The following PTPRN2 variants were observed in gnomAD, a reference collection of about 807,000 sequenced individuals.
PTPRN2 encodes the protein protein tyrosine phosphatase receptor type N2.
A neutral mutation model predicts 118.8 loss-of-function variants in PTPRN2; 74 were observed. That is an observed-to-expected ratio of 0.62 (90% confidence interval 0.52 to 0.76). PTPRN2 has a LOEUF of 0.76. Among genes scored for constraint, PTPRN2 ranks in the 30% least tolerant of loss-of-function variants. The pLI, the probability that PTPRN2 is intolerant of heterozygous loss-of-function variation, is 0.00. For synonymous variants in PTPRN2, 641 were observed against 608.0 expected, an observed-to-expected ratio of 1.05 and a Z score of -0.80; for missense variants, 1,481 against 1,394.4, an observed-to-expected ratio of 1.06 and a Z score of -0.99.
intron 2 of PTPRN2, among the ~76,000 whole-genome samples, chr7:158,406,614 G>C (rs115360434): frequency 3.3e-5 from 5 of 152,172 alleles, no homozygotes; most frequent in African/African-American, 7.2e-5. Flanking sequence ...AGTCTCTCCC[G>C]CGGACCTGAG....
chr7:158,071,864 G>A (rs1461086939), intron 11 of PTPRN2, among the ~76,000 whole-genome samples: 1 of 7,100 alleles, frequency 1.4e-4, no homozygotes, highest in South Asian at 0.019. Flanking sequence ...GGAGGTGCTC[G>A]TCATATGGAG....
At chr7:158,151,537 G>A (rs57269839) in intron 6 of PTPRN2, among the ~76,000 whole-genome samples, 3,631 of 25,256 alleles carry the variant, frequency 0.14, 1,130 homozygotes, top group Middle Eastern at 0.5. Context: ...TACTCCAGGC[G>A]ATCTGCAGGC....
intron 3 of PTPRN2, among the ~76,000 whole-genome samples, chr7:158,256,515 G>A (rs917141698): frequency 1.1e-4 from 16 of 152,112 alleles, no homozygotes; most frequent in South Asian, 2.1e-4. Context: ...CTAAGGCCCC[G>A]GAAGACCTAC....
intron 1 of PTPRN2, among the ~76,000 whole-genome samples, chr7:158,519,105 G>C (rs971275472): frequency 2.6e-5 from 4 of 152,214 alleles, no homozygotes; most frequent in Non-Finnish European, 4.4e-5. Context: ...CTGCAGCAGA[G>C]AACAGCCGTG....
intron 12 of PTPRN2, among the ~76,000 whole-genome samples, chr7:157,744,937 G>T (rs2150968774): frequency 6.6e-6 from 1 of 152,272 alleles, no homozygotes; most frequent in Admixed American, 6.5e-5. Context: ...GGGCCCTGAG[G>T]CGTGTCACCT....
At chr7:158,520,372 G>T (rs1402502599) in intron 1 of PTPRN2, among the ~76,000 whole-genome samples, 1 of 152,166 alleles carries the variant, frequency 6.6e-6, no homozygotes, top group Non-Finnish European at 1.5e-5. Context: ...TATTTTTCCT[G>T]AAAATTATTA....
chr7:157,878,699 A>C lies in PTPRN2; in HGVS notation c.1788+19974T>G, dbSNP rs183173214. On this transcript the variant is annotated intron_variant, in intron 12 of 22. Transcript: ENST00000389418. ...TGGAAGGGTCAGTGTGATACCATGC[A>C]CCCACACTTACTCACTGAGGAGCTC... 3.9e-3 allele frequency among the ~76,000 whole-genome samples: 518 copies of C among 132,878 alleles called. 17 individuals carry two copies. The highest frequency in any genetic ancestry group is 0.015 in the African/African-American group (477 of 32,650). 87.2% of individuals were successfully genotyped at this position (132,878 alleles called of 152,430 possible). A position where few individuals can be genotyped will look rare whatever the true frequency, so the allele number is the denominator to read the frequency against.
intron 12 of PTPRN2, among the ~76,000 whole-genome samples, chr7:157,788,980 C>A (rs1224188660): frequency 1.3e-5 from 2 of 152,266 alleles, no homozygotes; most frequent in African/African-American, 4.8e-5. Context: ...GGAGCTCACG[C>A]CCCTTCCTGC....
chr7:158,327,798 C>T (rs150113882), intron 2 of PTPRN2, among the ~76,000 whole-genome samples: 1 of 152,272 alleles, frequency 6.6e-6, no homozygotes, highest in East Asian at 1.9e-4. Flanking sequence ...AATCCCGGTG[C>T]CCTGGGACAC....
intron 11 of PTPRN2, among the ~76,000 whole-genome samples, chr7:157,982,663 C>G (rs966621805): frequency 9.4e-5 from 13 of 138,356 alleles, no homozygotes; most frequent in Admixed American, 5.8e-4. Context: ...AGTGCAGAGT[C>G]CCCCCAAACC....
chr7:158,586,549 T>C (rs904964147), intron 1 of PTPRN2, among the ~76,000 whole-genome samples: 3 of 152,188 alleles, frequency 2.0e-5, no homozygotes, highest in South Asian at 4.1e-4. Flanking sequence ...CCTGGAAACA[T>C]TGGCTTTATG....
chr7:158,100,878 G>T (rs537555099), intron 10 of PTPRN2, among the ~76,000 whole-genome samples: 1 of 152,018 alleles, frequency 6.6e-6, no homozygotes, highest in African/African-American at 2.4e-5. Context: ...CACAGATGAC[G>T]CAAACAAATG....
intron 6 of PTPRN2, among the ~76,000 whole-genome samples, chr7:158,139,052 C>T (rs1027999648): frequency 6.6e-6 from 1 of 152,130 alleles, no homozygotes; most frequent in South Asian, 2.1e-4. Flanking sequence ...GGGTCAAAGC[C>T]TCGTCCAAGA....
intron 21 of PTPRN2, among the ~76,000 whole-genome samples, chr7:157,549,949 A>G (rs563755328): frequency 6.6e-6 from 1 of 152,326 alleles, no homozygotes; most frequent in South Asian, 2.1e-4. Context: ...CGAGTCGCAG[A>G]TGAGGAAATA....
At chr7:158,340,395 A>G (rs1806458684) in intron 2 of PTPRN2, among the ~76,000 whole-genome samples, 1 of 75,638 alleles carries the variant, frequency 1.3e-5, no homozygotes, top group African/African-American at 4.4e-5. Context: ...TCACCATAAG[A>G]GCTGACACCC....
chr7:157,589,147 T>G (rs1032200246), intron 17 of PTPRN2, among the ~76,000 whole-genome samples: 1 of 152,168 alleles, frequency 6.6e-6, no homozygotes, highest in African/African-American at 2.4e-5. Flanking sequence ...TACTACCCCC[T>G]AGATTCATAC....
chr7:158,268,468 C>T (rs369879139), intron 3 of PTPRN2, among the ~76,000 whole-genome samples: 2 of 145,754 alleles, frequency 1.4e-5, no homozygotes. Flanking sequence ...CAGCTGCACA[C>T]ACACAGGGTG....
intron 9 of PTPRN2, among the ~76,000 whole-genome samples, chr7:158,130,664 TACACACACACGTACATACAG>T (rs1214567672): frequency 1.4e-3 from 185 of 129,308 alleles, no homozygotes; most frequent in African/African-American, 4.9e-3. Flanking sequence ...ACCTGACTCA[TACACACACACGTACATACAG>T]ACACACACAT....
chr7:158,127,593 T>C (rs1817805013), intron 9 of PTPRN2, among the ~76,000 whole-genome samples: 1 of 152,176 alleles, frequency 6.6e-6, no homozygotes, highest in Admixed American at 6.5e-5. Flanking sequence ...TCAGCTCCCA[T>C]GTTTTCCTGA....
Sources: allele counts gnomAD v4.1 joint callset (sites outside exome capture counted in the v4.1 genomes callset), GRCh38; gene constraint gnomAD v4.1.1; transcripts MANE v1.5; gene names NCBI Gene and HGNC (gene_info 2026-07-23, HGNC 2026-07-21).